The following ASIC2 variants were observed in gnomAD, a reference collection of about 807,000 sequenced individuals.
ASIC2 encodes acid sensing ion channel subunit 2, also known as acid-sensing ion channel 2.
In ASIC2, 25 loss-of-function variants were observed where a neutral mutation model predicts 57.3. The ratio of observed to expected loss-of-function variants is 0.44; its 90% CI spans 0.32 to 0.61. The LOEUF is 0.61. Ranked by LOEUF, ASIC2 falls within the 20% of genes least tolerant of loss-of-function variation. The probability of loss-of-function intolerance (pLI) is 0.06; values close to 1 mark genes in which losing one functional copy is unlikely to be tolerated. For missense variants in ASIC2, 641 were observed against 738.1 expected (o/e 0.87, Z 1.52); for synonymous variants, 319 against 307.5 (o/e 1.04, Z -0.39).
At chr17:33,479,704 G>A (rs1175873407) in intron 1 of ASIC2, among the ~76,000 whole-genome samples, 1 of 152,168 alleles carries the variant, frequency 6.6e-6, no homozygotes, top group Non-Finnish European at 1.5e-5. Context: ...CCAGCTGGAT[G>A]GTGTAGGCCT....
intron 1 of ASIC2, among the ~76,000 whole-genome samples, chr17:33,515,757 C>T (rs1240391834): frequency 6.6e-6 from 1 of 152,222 alleles, no homozygotes; most frequent in Non-Finnish European, 1.5e-5. Context: ...GATGCCCACT[C>T]TCGGACTTGG....
At chr17:34,112,519 C>A (rs1428600499) in intron 1 of ASIC2, among the ~76,000 whole-genome samples, 1 of 151,732 alleles carries the variant, frequency 6.6e-6, no homozygotes, top group Non-Finnish European at 1.5e-5. Flanking sequence ...CACAGGGCAG[C>A]CAAGGGAGAT....
intron 1 of ASIC2, among the ~76,000 whole-genome samples, chr17:33,699,122 C>A (rs962903789): frequency 1.3e-5 from 2 of 152,110 alleles, no homozygotes; most frequent in African/African-American, 2.4e-5. Flanking sequence ...CTGAGTTTTC[C>A]TGAAATCACC....
intron 1 of ASIC2, among the ~76,000 whole-genome samples, chr17:33,288,917 TA>T (rs1567811559): frequency 6.6e-6 from 1 of 152,176 alleles, no homozygotes; most frequent in Non-Finnish European, 1.5e-5. Flanking sequence ...TCTCAGCCAC[TA>T]CACTTTGGTG....
At chr17:33,168,619 T>C (rs535099310) in intron 1 of ASIC2, among the ~76,000 whole-genome samples, 135 of 152,338 alleles carry the variant, frequency 8.9e-4, no homozygotes, top group Non-Finnish European at 1.6e-3. Context: ...ATTGTACTTG[T>C]GTCCTAGGAC....
chr17:33,574,488 G>A (rs906422973), intron 1 of ASIC2, among the ~76,000 whole-genome samples: 1 of 152,084 alleles, frequency 6.6e-6, no homozygotes, highest in Non-Finnish European at 1.5e-5. Context: ...GTTGCGTAGG[G>A]GTGCTGTGCT....
intron 1 of ASIC2, chr17:34,118,403 G>A (rs1399450414): frequency 6.6e-6 from 1 of 152,040 alleles, no homozygotes; most frequent in Admixed American, 6.6e-5. Context: ...TGGGGTTGGA[G>A]GAGACTATTG....
At chr17:33,172,982 C>T (rs1427916173) in intron 1 of ASIC2, among the ~76,000 whole-genome samples, 1 of 152,194 alleles carries the variant, frequency 6.6e-6, no homozygotes, top group Non-Finnish European at 1.5e-5. Flanking sequence ...GGCCCATGAT[C>T]CCATTCCTTA....
At chr17:33,836,616 A>G (rs1913281757) in intron 1 of ASIC2, among the ~76,000 whole-genome samples, 1 of 152,102 alleles carries the variant, frequency 6.6e-6, no homozygotes. Context: ...GCACTCTGGG[A>G]GGCTAAGGCA....
intron 1 of ASIC2, among the ~76,000 whole-genome samples, chr17:33,964,846 G>T (rs1905030695): frequency 6.6e-6 from 1 of 152,240 alleles, no homozygotes; most frequent in Non-Finnish European, 1.5e-5. Flanking sequence ...TAGGCTTCTT[G>T]TCCTGCTGCT....
chr17:33,558,401 G>A (rs1322655314), intron 1 of ASIC2, among the ~76,000 whole-genome samples: 1 of 152,166 alleles, frequency 6.6e-6, no homozygotes, highest in Admixed American at 6.5e-5. Flanking sequence ...TCAGTTTCTG[G>A]CTGATGACCT....
At chr17:34,007,238 C>G (rs2142018793) in intron 1 of ASIC2, among the ~76,000 whole-genome samples, 1 of 152,326 alleles carries the variant, frequency 6.6e-6, no homozygotes. Context: ...CCTACACTTA[C>G]TTGTCAAAAA....
chr17:33,173,347 C>A (rs887220813), intron 1 of ASIC2, among the ~76,000 whole-genome samples: 2 of 152,148 alleles, frequency 1.3e-5, no homozygotes, highest in African/African-American at 4.8e-5. Context: ...CTTGAGGCAG[C>A]AGAAAACATG....
chr17:33,370,057 C>T (rs1355774812), intron 1 of ASIC2, among the ~76,000 whole-genome samples: 2 of 152,120 alleles, frequency 1.3e-5, no homozygotes, highest in Non-Finnish European at 2.9e-5. Flanking sequence ...AATGATGTGG[C>T]TGAGAAGATG....
chr17:33,829,584 T>TC (rs1386439596), intron 1 of ASIC2, among the ~76,000 whole-genome samples: 1 of 151,492 alleles, frequency 6.6e-6, no homozygotes, highest in African/African-American at 2.4e-5. Flanking sequence ...CTTTTCTTTT[T>TC]TTTTTTTTTT....
chr17:33,651,770 G>A (rs1234243629), intron 1 of ASIC2, among the ~76,000 whole-genome samples: 1 of 152,214 alleles, frequency 6.6e-6, no homozygotes, highest in Admixed American at 6.5e-5. Context: ...GTCCCTGTCT[G>A]GACCAGTTAA....
intron 1 of ASIC2, chr17:34,072,413 T>A (rs896739246): frequency 6.6e-5 from 10 of 152,140 alleles, no homozygotes; most frequent in Non-Finnish European, 1.3e-4. Context: ...ATTTTATAGA[T>A]AAGGAAACTG....
chr17:33,022,970 C>T (rs189915954), intron 6 of ASIC2, among the ~76,000 whole-genome samples: 30 of 152,216 alleles, frequency 2.0e-4, no homozygotes, highest in African/African-American at 6.3e-4. Context: ...GGTCTAACTA[C>T]GTTACCCAGG....
chr17:33,360,915 T>A (rs575092224), intron 1 of ASIC2, among the ~76,000 whole-genome samples: 2 of 152,186 alleles, frequency 1.3e-5, no homozygotes, highest in African/African-American at 4.8e-5. Flanking sequence ...GACCTCCCAC[T>A]GCAGAACCTC....
Sources: gnomAD v4.1 joint callset for allele counts (sites outside exome capture counted in the v4.1 genomes callset) on GRCh38, gnomAD v4.1.1 for gene constraint, MANE v1.5 for transcripts, NCBI Gene and HGNC (gene_info 2026-07-23, HGNC 2026-07-21) for gene names.